Variants in RGS6 observed in about 807,000 individuals in gnomAD.
RGS6 encodes regulator of G-protein signaling 6.
In RGS6, 30 loss-of-function variants were observed where a neutral mutation model predicts 78.5. The ratio of observed to expected loss-of-function variants is 0.38; its 90% CI spans 0.29 to 0.52. RGS6 has a LOEUF of 0.52. RGS6 is among the 20% of genes least tolerant of loss of function. RGS6 has a pLI of 0.85. For missense variants in RGS6, 495 were observed against 609.7 expected, an observed-to-expected ratio of 0.81 and a Z score of 1.98; for synonymous variants, 206 against 206.0, an observed-to-expected ratio of 1.00 and a Z score of 0.00.
intron 17 of RGS6, among the ~76,000 whole-genome samples, chr14:72,561,142 T>C (rs181720001): frequency 2.6e-5 from 4 of 152,306 alleles, no homozygotes; most frequent in South Asian, 4.1e-4. Context: ...AGCAGGTTTA[T>C]TGAGGACCCT....
At chr14:72,314,342 C>T (rs1217597995) in intron 2 of RGS6, among the ~76,000 whole-genome samples, 1 of 152,146 alleles carries the variant, frequency 6.6e-6, no homozygotes, top group Non-Finnish European at 1.5e-5. Context: ...CCAGGCATCA[C>T]AACATGGTCA....
chr14:72,226,790 C>T (rs1453015855), intron 2 of RGS6, among the ~76,000 whole-genome samples: 1 of 152,214 alleles, frequency 6.6e-6, no homozygotes. Flanking sequence ...GCAACCTCCA[C>T]CTCCTGGGTT....
the RGS6 span, among the ~76,000 whole-genome samples, chr14:72,591,253 A>G: frequency 2.0e-5 from 3 of 152,232 alleles, no homozygotes; most frequent in African/African-American, 7.2e-5. Context: ...TTTAAATGAT[A>G]TCTGAAATGA....
chr14:72,278,673 A>G (rs1019075723), intron 2 of RGS6, among the ~76,000 whole-genome samples: 2 of 152,206 alleles, frequency 1.3e-5, no homozygotes, highest in Non-Finnish European at 2.9e-5. Context: ...GGCCTTACAC[A>G]ATCATGGGAG....
In RGS6 at chr14:72,473,234, T is replaced by G. The variant is rs530879076; in HGVS notation, c.618+281T>G. On this transcript the variant is annotated intron_variant, in intron 9 of 17. Coordinates refer to ENST00000553525, the MANE Select transcript of RGS6 (RefSeq NM_001204424.2). Reference sequence around the variant, plus strand: ...CGAGGTGGGTGGATCACGAGGTCAGTCGATCAAGACCATCCTGGCTAACAC... The same window carrying G: ...CGAGGTGGGTGGATCACGAGGTCAGGCGATCAAGACCATCCTGGCTAACAC... Among the ~76,000 whole-genome samples the G allele has an allele frequency of 7.9e-5, 12 of 152,274 alleles. 1 individual carries two copies. The highest frequency in any genetic ancestry group is 4.1e-4 in the South Asian group (2 of 4,828).
intron 2 of RGS6, among the ~76,000 whole-genome samples, chr14:72,255,475 A>G (rs1057225937): frequency 6.6e-6 from 1 of 152,066 alleles, no homozygotes; most frequent in Non-Finnish European, 1.5e-5. Flanking sequence ...CCTTACATTT[A>G]TGTTTCATTT....
chr14:72,204,266 C>T (rs1340108042), intron 2 of RGS6, among the ~76,000 whole-genome samples: 1 of 152,026 alleles, frequency 6.6e-6, no homozygotes, highest in East Asian at 1.9e-4. Flanking sequence ...AACCTAATCT[C>T]AGAAGCAACA....
At position 72,100,010 on chromosome 14, in the gene RGS6, C is replaced by A. The variant is rs533442993; in HGVS notation, c.84+135135C>A. On this transcript the variant is annotated intron_variant, in intron 2 of 17. Coordinates refer to ENST00000553525, the MANE Select transcript of RGS6 (RefSeq NM_001204424.2). Reference sequence around the variant, plus strand: ...TTGGTTCCGAAAGCCAAGCAGAGAGCGGGTCACCAGCACAGTAGTAAGAGT... The same window carrying A: ...TTGGTTCCGAAAGCCAAGCAGAGAGAGGGTCACCAGCACAGTAGTAAGAGT... Among the ~76,000 whole-genome samples, 584 of 152,102 alleles carry A rather than the reference C, an allele frequency of 3.8e-3. 3 individuals are homozygous for A. Among genetic ancestry groups the A allele is most frequent in the Non-Finnish European group, 5.3e-3 (358 of 68,008 alleles).
intron 2 of RGS6, among the ~76,000 whole-genome samples, chr14:72,124,206 T>C (rs1447947631): frequency 1.3e-5 from 2 of 152,230 alleles, no homozygotes; most frequent in Non-Finnish European, 2.9e-5. Flanking sequence ...TGCTTTATTA[T>C]GTTGTTTATT....
intron 2 of RGS6, among the ~76,000 whole-genome samples, chr14:72,175,954 A>G (rs977270473): frequency 5.9e-5 from 9 of 152,190 alleles, no homozygotes; most frequent in Non-Finnish European, 1.2e-4. Context: ...ACTATCACCA[A>G]GAGATCCCCT....
intron 2 of RGS6, among the ~76,000 whole-genome samples, chr14:72,107,429 T>C (rs1001642670): frequency 3.3e-5 from 5 of 152,078 alleles, no homozygotes; most frequent in Admixed American, 3.3e-4. Context: ...TACAGGCTCA[T>C]CTTGTGTATT....
At chr14:72,258,599 G>A (rs2057536011) in intron 2 of RGS6, among the ~76,000 whole-genome samples, 1 of 152,194 alleles carries the variant, frequency 6.6e-6, no homozygotes, top group Non-Finnish European at 1.5e-5. Flanking sequence ...TGGAGCACTT[G>A]ACTTGGAGCC....
chr14:72,589,356 C>T, the RGS6 span, among the ~76,000 whole-genome samples: 1 of 152,114 alleles, frequency 6.6e-6, no homozygotes, highest in Admixed American at 6.5e-5. Context: ...TCGAGACCAG[C>T]CTGGCCAACA....
chr14:72,626,673 T>C, the RGS6 span, among the ~76,000 whole-genome samples: 1 of 152,124 alleles, frequency 6.6e-6, no homozygotes, highest in Non-Finnish European at 1.5e-5. Flanking sequence ...ATGTTGCAGG[T>C]ATATCTTCAA....
At chr14:71,987,292 T>C (rs1169534091) in intron 2 of RGS6, among the ~76,000 whole-genome samples, 2 of 152,120 alleles carry the variant, frequency 1.3e-5, no homozygotes, top group Non-Finnish European at 2.9e-5. Context: ...CTGAAGTTCA[T>C]TGGAGGGCAG....
At chr14:71,954,028 G>T (rs1259062981) in intron 1 of RGS6, among the ~76,000 whole-genome samples, 13 of 129,848 alleles carry the variant, frequency 1.0e-4, no homozygotes, top group Non-Finnish European at 2.0e-4. Context: ...ACTCTGGCTT[G>T]CATGGCTTCT....
intron 2 of RGS6, among the ~76,000 whole-genome samples, chr14:71,967,656 G>T (rs1361602123): frequency 4.6e-5 from 7 of 150,928 alleles, no homozygotes; most frequent in Non-Finnish European, 3.0e-5. Flanking sequence ...TGTTGTTGTT[G>T]TTTTTTTTCT....
At chr14:72,084,490 A>G (rs2094946765) in intron 2 of RGS6, among the ~76,000 whole-genome samples, 2 of 152,158 alleles carry the variant, frequency 1.3e-5, no homozygotes, top group Admixed American at 6.5e-5. Context: ...AAGTTGTTGG[A>G]CTGTTTTCAG....
chr14:72,043,967 T>C (rs2092638851), intron 2 of RGS6, among the ~76,000 whole-genome samples: 1 of 152,122 alleles, frequency 6.6e-6, no homozygotes, highest in African/African-American at 2.4e-5. Flanking sequence ...CTCCTCCTCC[T>C]CTCTTTTTCT....
Sources: gnomAD v4.1 joint callset for allele counts (sites outside exome capture counted in the v4.1 genomes callset) on GRCh38, gnomAD v4.1.1 for gene constraint, MANE v1.5 for transcripts, NCBI Gene and HGNC (gene_info 2026-07-23, HGNC 2026-07-21) for gene names.